Variants in CSE1L observed in about 807,000 individuals in gnomAD.
CSE1L encodes the protein exportin-2.
CSE1L carries 24 observed loss-of-function variants against 120.4 expected under a neutral mutation model. The observed-to-expected ratio is 0.20, with a 90% CI of 0.14 to 0.28. CSE1L has a LOEUF of 0.28. CSE1L is among the 10% of genes least tolerant of loss of function. The probability of loss-of-function intolerance (pLI) is 1.00; values close to 1 mark genes in which losing one functional copy is unlikely to be tolerated. For synonymous variants in CSE1L, 402 were observed against 398.3 expected, an observed-to-expected ratio of 1.01 and a Z score of -0.11; for missense variants, 830 against 1,145.2, an observed-to-expected ratio of 0.72 and a Z score of 3.97.
intron 2 of CSE1L, among the ~76,000 whole-genome samples, chr20:49,061,016 T>G (rs1226309631): frequency 6.6e-6 from 1 of 152,176 alleles, no homozygotes; most frequent in East Asian, 1.9e-4. Context: ...GCATCTATCC[T>G]CTTCTAGAAA....
intron 16 of CSE1L, among the ~76,000 whole-genome samples, chr20:49,085,967 A>G (rs2092053347): frequency 6.6e-6 from 1 of 152,184 alleles, no homozygotes; most frequent in African/African-American, 2.4e-5. Context: ...AGAAGAGATC[A>G]TGCAACGTTT....
In CSE1L at chr20:49,075,309, A is replaced by C. The variant is rs769281544; in HGVS notation, c.1133-9A>C. The C allele has an allele frequency of 3.7e-6, 6 of 1,603,772 alleles. No homozygotes were observed. The highest frequency in any genetic ancestry group is 5.1e-6 in the Non-Finnish European group (6 of 1,174,598). On this transcript the variant is annotated splice_polypyrimidine_tract_variant and intron_variant, in intron 11 of 24. Coordinates refer to ENST00000262982, the MANE Select transcript of CSE1L (RefSeq NM_001316.4). ...TTTCCCCATAATATATTTTCTTTTCATTTCATAGATATTGATACTAGACGC... is the reference window on the plus strand; with the variant it reads ...TTTCCCCATAATATATTTTCTTTTCCTTTCATAGATATTGATACTAGACGC...
At chr20:49,076,902 A>C (rs945160524) in intron 12 of CSE1L, 78 bp from the exon 13 acceptor site, 1 of 893,088 alleles carries the variant, frequency 1.1e-6, no homozygotes, top group Non-Finnish European at 1.7e-6. Context: ...ATGGTTTTCT[A>C]AAATTGCCTG....
intron 14 of CSE1L, among the ~76,000 whole-genome samples, chr20:49,080,243 GTTGTTTTGTTTTTTTTTATTTTTT>G (rs1452002886): frequency 1.3e-5 from 2 of 149,074 alleles, no homozygotes; most frequent in Non-Finnish European, 3.0e-5. Flanking sequence ...ACAATATCTG[GTTGTTTTGTTTTTTTTTATTTTTT>G]TTGTTTTTTT....
intron 1 of CSE1L, among the ~76,000 whole-genome samples, chr20:49,048,779 G>A (rs1186385481): frequency 1.3e-5 from 2 of 152,228 alleles, no homozygotes; most frequent in Non-Finnish European, 2.9e-5. Flanking sequence ...TGGTTAGAAA[G>A]CAGAGGGTAG....
In CSE1L at chr20:49,094,814, A is replaced by G; in HGVS notation, c.2677A>G (p.Ile893Val). The G allele has an allele frequency of 1.9e-6, 3 of 1,614,136 alleles. No homozygotes were observed. Among genetic ancestry groups the G allele is most frequent in the Middle Eastern group, 1.6e-4 (1 of 6,062 alleles). Residue 893 changes from isoleucine to valine, a missense_variant, in exon 24 of 25, where the codon ATA (isoleucine) becomes GTA (valine). Ile to Val is a conservative substitution (Grantham distance 29). Transcript: ENST00000262982. ...TIPDEEHFIDIEDTPGYQTAF... is the reference protein window; with the variant it reads ...TIPDEEHFIDVEDTPGYQTAF... ...TCCTGATGAGGAACATTTTATTGACATAGAAGATACACCAGGATATCAGAC... is the reference window on the plus strand; with the variant it reads ...TCCTGATGAGGAACATTTTATTGACGTAGAAGATACACCAGGATATCAGAC...
intron 14 of CSE1L, among the ~76,000 whole-genome samples, chr20:49,079,651 C>T (rs1371861317): frequency 2.6e-5 from 4 of 152,070 alleles, no homozygotes; most frequent in African/African-American, 4.8e-5. Context: ...GGTTCCAGGA[C>T]GCCTGAATAT....
intron 14 of CSE1L, among the ~76,000 whole-genome samples, chr20:49,081,649 C>T (rs11908024): frequency 0.21 from 32,658 of 152,004 alleles, 3,634 homozygotes; most frequent in Non-Finnish European, 0.24. Context: ...ACTGTGAATT[C>T]ATCTTCTTTT....
chr20:49,056,687 C>T, intron 1 of CSE1L, among the ~76,000 whole-genome samples: 1 of 95,428 alleles, frequency 1.0e-5, no homozygotes, highest in East Asian at 3.5e-4. Context: ...TGTGCTGTTT[C>T]TGTGTGTTTT....
In CSE1L at chr20:49,068,752, C is replaced by A; in HGVS notation, c.605C>A (p.Ala202Asp). ...CTCTGCAGTACCCATGCAAATGATG[C>A]CTCTGCCCTGAGGATTCTGTTTTCT... ...IELCSTHAND[A>D]SALRILFSSL... The change falls in exon 7 of 25, where the codon GCC becomes GAC. Residue 202 changes from alanine (A) to aspartate (D), a missense_variant. Around this residue, in one of 4 missense-constraint regions of CSE1L, gnomAD observed 543 missense variants for 640.2 expected, o/e 0.85. Transcript: ENST00000262982. 4 of 1,614,016 alleles carry A rather than the reference C, an allele frequency of 2.5e-6. No homozygotes were observed. Among genetic ancestry groups the A allele is most frequent in the Non-Finnish European group, 3.4e-6 (4 of 1,179,876 alleles).
At chr20:49,080,054 A>G (rs1256590491) in intron 14 of CSE1L, among the ~76,000 whole-genome samples, 1 of 152,152 alleles carries the variant, frequency 6.6e-6, no homozygotes, top group East Asian at 1.9e-4. Flanking sequence ...AGCCTGGACA[A>G]CAGAGCAAGA....
At chr20:49,075,750 G>T (rs1486788394) in intron 12 of CSE1L, among the ~76,000 whole-genome samples, 8 of 152,150 alleles carry the variant, frequency 5.3e-5, no homozygotes, top group Admixed American at 4.6e-4. Context: ...GCTGAGACCC[G>T]CTGTATCAAA....
intron 21 of CSE1L, 131 bp from the exon 22 acceptor site, chr20:49,091,912 TTAC>T: frequency 3.2e-6 from 2 of 621,788 alleles, no homozygotes; most frequent in Admixed American, 3.4e-5. Context: ...AGTTTTCTAT[TTAC>T]TAGAAGGCAG....
At chr20:49,071,023 T>G (rs1375536978) in intron 8 of CSE1L, among the ~76,000 whole-genome samples, 2 of 152,134 alleles carry the variant, frequency 1.3e-5, no homozygotes, top group East Asian at 3.8e-4. Flanking sequence ...CTGATATGGG[T>G]TTTATATTGT....
chr20:49,091,745 T>G (rs1012922392), intron 21 of CSE1L, among the ~76,000 whole-genome samples: 1 of 152,238 alleles, frequency 6.6e-6, no homozygotes. Flanking sequence ...TATTTTAAGA[T>G]GTTTGTGTTC....
intron 1 of CSE1L, among the ~76,000 whole-genome samples, chr20:49,047,441 T>C (rs535595692): frequency 6.6e-6 from 1 of 152,210 alleles, no homozygotes; most frequent in African/African-American, 2.4e-5. Flanking sequence ...CACATGCCTT[T>C]TGTTTGCTGG....
At chr20:49,096,232 T>C in intron 24 of CSE1L, 117 bp from the exon 25 acceptor site, 1 of 813,530 alleles carries the variant, frequency 1.2e-6, no homozygotes, top group Non-Finnish European at 2.1e-6. Flanking sequence ...TGGATGGTGA[T>C]TAATGACTTG....
chr20:49,055,837 CACTGTTCT>C (rs1257051823), intron 1 of CSE1L, among the ~76,000 whole-genome samples: 2 of 151,980 alleles, frequency 1.3e-5, no homozygotes, highest in Non-Finnish European at 2.9e-5. Flanking sequence ...GAGATGTTAT[CACTGTTCT>C]ACATTTTGGA....
intron 24 of CSE1L, chr20:49,096,052 AGAC>A (rs1177940064): frequency 9.7e-6 from 5 of 514,776 alleles, no homozygotes; most frequent in Admixed American, 3.1e-5. Flanking sequence ...AGCAAGTCTT[AGAC>A]ATCATACGTT....
Sources: gnomAD v4.1 joint callset for allele counts (sites outside exome capture counted in the v4.1 genomes callset) on GRCh38, gnomAD v4.1.1 for gene constraint, gnomAD v4.1.1 regional missense constraint, MANE v1.5 for transcripts, NCBI Gene and HGNC (gene_info 2026-07-23, HGNC 2026-07-21) for gene names.